The following ANKRD13C variants were observed in gnomAD, a reference collection of about 807,000 sequenced individuals.
ANKRD13C encodes ankyrin repeat domain 13C.
A neutral mutation model predicts 65.5 loss-of-function variants in ANKRD13C; 16 were observed. The observed-to-expected ratio is 0.24, with a 90% CI of 0.17 to 0.37. The LOEUF (loss-of-function observed/expected upper bound fraction) is 0.37, where lower values mean the gene tolerates loss of function less well. Among genes scored for constraint, ANKRD13C ranks in the 10% least tolerant of loss-of-function variants. ANKRD13C has a pLI of 1.00. For synonymous variants in ANKRD13C, 235 were observed against 238.7 expected, an observed-to-expected ratio of 0.98 and a Z score of 0.14; for missense variants, 503 against 655.9, an observed-to-expected ratio of 0.77 and a Z score of 2.55.
At position 70,260,507 on chromosome 1, in the gene ANKRD13C, AT is replaced by A. The variant is rs1678352191; in HGVS notation, c.*2209del. On this transcript the variant is annotated 3_prime_UTR_variant, in exon 13 of 13. Coordinates refer to ENST00000370944, the MANE Select transcript of ANKRD13C (RefSeq NM_030816.5). ...TTTTCATGTGGTATTATGAAAACAT[AT>A]GGTGTTTTGACTTATTCATTTGAAA... 1 of 152,184 alleles carries A rather than the reference AT, an allele frequency of 6.6e-6. No homozygotes were observed. Among genetic ancestry groups the A allele is most frequent in the Non-Finnish European group, 1.5e-5 (1 of 67,988 alleles). 9.4% of individuals were successfully genotyped at this position (152,184 alleles called of 1,614,324 possible).
intron 1 of ANKRD13C, among the ~76,000 whole-genome samples, chr1:70,350,832 G>A (rs1023629005): frequency 6.6e-6 from 1 of 151,884 alleles, no homozygotes; most frequent in African/African-American, 2.4e-5. Flanking sequence ...TGCCTCTCTA[G>A]GCTTATTTTT....
chr1:70,342,512 G>A (rs1682353077), intron 1 of ANKRD13C, among the ~76,000 whole-genome samples: 1 of 152,070 alleles, frequency 6.6e-6, no homozygotes, highest in Non-Finnish European at 1.5e-5. Flanking sequence ...ACTCCAGCCT[G>A]GGTGACAGAG....
At position 70,304,520 on chromosome 1, in the gene ANKRD13C, C is replaced by T. The variant is rs180916496; in HGVS notation, c.776+1704G>A. On this transcript the variant is annotated intron_variant, in intron 6 of 12. Transcript: ENST00000370944. The stretch of plus-strand genomic sequence containing the variant: ...CAGGTGATTCTCCCACCTCAGCCTC[C>T]CAGGTAGCTGGAACTATAGGCACGT... Among the ~76,000 whole-genome samples, 14 of 152,026 alleles carry T rather than the reference C, an allele frequency of 9.2e-5. No individual in the cohort carries two copies. The East Asian group carries it at 2.7e-3, about 30-fold the overall frequency.
chr1:70,342,231 A>G (rs1356450743), intron 1 of ANKRD13C, among the ~76,000 whole-genome samples: 3 of 152,112 alleles, frequency 2.0e-5, no homozygotes, highest in African/African-American at 7.2e-5. Context: ...CTGGAGATAT[A>G]CATTTGGCAG....
At chr1:70,346,022 G>C (rs1311419278) in intron 1 of ANKRD13C, among the ~76,000 whole-genome samples, 1 of 151,542 alleles carries the variant, frequency 6.6e-6, no homozygotes, top group African/African-American at 2.4e-5. Context: ...AATAGAGACA[G>C]GGTCTCACTA....
chr1:70,341,326 T>C (rs1369865315), intron 1 of ANKRD13C, among the ~76,000 whole-genome samples: 1 of 151,742 alleles, frequency 6.6e-6, no homozygotes, highest in East Asian at 1.9e-4. Flanking sequence ...ATATACTTAC[T>C]GATATATCAG....
chr1:70,346,878 T>A (rs1682548067), intron 1 of ANKRD13C, among the ~76,000 whole-genome samples: 1 of 151,666 alleles, frequency 6.6e-6, no homozygotes, highest in South Asian at 2.1e-4. Flanking sequence ...GATCACGAGG[T>A]CAGGAGATCG....
intron 9 of ANKRD13C, among the ~76,000 whole-genome samples, chr1:70,291,971 T>C (rs1679886410): frequency 6.6e-6 from 1 of 150,774 alleles, no homozygotes; most frequent in Non-Finnish European, 1.5e-5. Context: ...ATACAAAAAT[T>C]AGCCAGGCCT....
At chr1:70,318,682 T>G (rs907497249) in intron 3 of ANKRD13C, among the ~76,000 whole-genome samples, 4 of 141,576 alleles carry the variant, frequency 2.8e-5, no homozygotes, top group Admixed American at 7.2e-5. Context: ...AATCTTTGTT[T>G]TTTTTTTTTT....
At chr1:70,314,397 T>A (rs1416962773) in intron 4 of ANKRD13C, among the ~76,000 whole-genome samples, 3 of 151,546 alleles carry the variant, frequency 2.0e-5, no homozygotes, top group African/African-American at 4.8e-5. Context: ...TTTTTTTTTT[T>A]AATTTTTAGT....
chr1:70,280,251 C>T (rs1195370093), intron 9 of ANKRD13C, among the ~76,000 whole-genome samples: 2 of 152,110 alleles, frequency 1.3e-5, no homozygotes, highest in African/African-American at 4.8e-5. Flanking sequence ...ATGATATAAA[C>T]ATGCACAGAA....
chr1:70,280,644 A>C (rs1174162508), intron 9 of ANKRD13C, among the ~76,000 whole-genome samples: 2 of 152,180 alleles, frequency 1.3e-5, no homozygotes, highest in African/African-American at 4.8e-5. Context: ...ACTTCAAACA[A>C]ATTACTCAAC....
intron 1 of ANKRD13C, among the ~76,000 whole-genome samples, chr1:70,339,611 G>A (rs954753017): frequency 2.0e-5 from 3 of 151,790 alleles, no homozygotes; most frequent in Non-Finnish European, 2.9e-5. Flanking sequence ...GAGCCACCGC[G>A]CTCGGCCTTC....
At position 70,276,746 on chromosome 1, in the gene ANKRD13C, A is replaced by C. The variant is rs1391191343; in HGVS notation, c.1295+19T>G. On this transcript the variant is annotated intron_variant, in intron 10 of 12. Transcript: ENST00000370944. ...TCTTTCTAAAAACCAAATAACACATAAACAAGAAAAAAACTTACTTTCCAT... is the reference window on the plus strand; with the variant it reads ...TCTTTCTAAAAACCAAATAACACATCAACAAGAAAAAAACTTACTTTCCAT... The C allele has an allele frequency of 6.4e-7, 1 of 1,556,084 alleles. No individual in the cohort carries two copies. Among genetic ancestry groups the C allele is most frequent in the South Asian group, 1.2e-5 (1 of 83,510 alleles).
At chr1:70,317,110 G>C (rs1337512240) in intron 3 of ANKRD13C, among the ~76,000 whole-genome samples, 2 of 151,926 alleles carry the variant, frequency 1.3e-5, no homozygotes, top group Non-Finnish European at 2.9e-5. Flanking sequence ...ATCTAGGGAA[G>C]CATGTAAAAA....
At chr1:70,330,334 G>A (rs1441946718) in intron 2 of ANKRD13C, among the ~76,000 whole-genome samples, 1 of 152,008 alleles carries the variant, frequency 6.6e-6, no homozygotes, top group Non-Finnish European at 1.5e-5. Context: ...AAGGTGGGTG[G>A]ATCACCTGAG....
chr1:70,324,142 C>T (rs996719762), intron 3 of ANKRD13C, among the ~76,000 whole-genome samples: 6 of 152,188 alleles, frequency 3.9e-5, no homozygotes, highest in Admixed American at 6.5e-5. Context: ...AAACTGCCAA[C>T]GTTTTTTATT....
In ANKRD13C at chr1:70,313,749, G is replaced by T; in HGVS notation, c.705C>A (p.Ser235Arg). ...FYLELHWDFQ[S>R]WVPLLSRILP... ...TAAAACATAGCATACTCTTACCCCA[G>T]CTTTGAAAATCCCAGTGAAGTTCTA... is the stretch of plus-strand genomic sequence containing the variant. Residue 235 changes from serine to arginine, a missense_variant, in exon 5 of 13, where the codon AGC (serine) becomes AGA (arginine). Around this residue, in one of 2 missense-constraint regions of ANKRD13C, gnomAD observed 300 missense variants for 478.3 expected, o/e 0.63. Coordinates refer to ENST00000370944, the MANE Select transcript of ANKRD13C (RefSeq NM_030816.5). 6.2e-7 allele frequency: 1 copy of T among 1,607,442 alleles called. No individual in the cohort carries two copies. Among genetic ancestry groups the T allele is most frequent in the Non-Finnish European group, 8.5e-7 (1 of 1,174,810 alleles).
intron 9 of ANKRD13C, among the ~76,000 whole-genome samples, chr1:70,291,691 C>T (rs953330184): frequency 1.3e-5 from 2 of 152,138 alleles, no homozygotes; most frequent in Admixed American, 6.5e-5. Flanking sequence ...CCTGTAATCC[C>T]AGCTACTCGG....
Sources: gnomAD v4.1 joint callset for allele counts (sites outside exome capture counted in the v4.1 genomes callset) on GRCh38, gnomAD v4.1.1 for gene constraint, gnomAD v4.1.1 regional missense constraint, MANE v1.5 for transcripts, NCBI Gene and HGNC (gene_info 2026-07-23, HGNC 2026-07-21) for gene names.